Variants in USH2A observed in about 807,000 individuals in gnomAD.
The protein encoded by USH2A is Usher syndrome 2A (autosomal recessive, mild).
Under a neutral mutation model 538.9 loss-of-function variants are expected in USH2A, and 443 were observed. That is an observed-to-expected ratio of 0.82 (90% CI 0.76 to 0.89). The LOEUF is 0.89. USH2A is among the 40% of genes least tolerant of loss of function. The pLI, the probability that USH2A is intolerant of heterozygous loss-of-function variation, is 0.00. For missense variants in USH2A, 6,633 were observed against 6,324.8 expected (o/e 1.05, Z -1.65); for synonymous variants, 2,413 against 2,273.5 (o/e 1.06, Z -1.75).
chr1:215,897,807 A>G (rs1665390471), intron 40 of USH2A, among the ~76,000 whole-genome samples: 1 of 152,156 alleles, frequency 6.6e-6, no homozygotes, highest in Non-Finnish European at 1.5e-5. Context: ...AAACAAAGAA[A>G]GAAGAAAGAA....
At chr1:216,302,083 T>C (rs538970192) in intron 9 of USH2A, among the ~76,000 whole-genome samples, 2 of 152,186 alleles carry the variant, frequency 1.3e-5, no homozygotes, top group Non-Finnish European at 2.9e-5. Flanking sequence ...AGCTCTAATG[T>C]TCCCATGGCA....
chr1:216,131,321 C>T (rs1218930738), intron 21 of USH2A, among the ~76,000 whole-genome samples: 1 of 151,912 alleles, frequency 6.6e-6, no homozygotes, highest in Non-Finnish European at 1.5e-5. Context: ...TGGTTAAGTT[C>T]CATCTATTTA....
Position 215,817,185 on chromosome 1 carries a change from T to C in USH2A, c.9382A>G (p.Ile3128Val). Residue 3128 changes from isoleucine to valine, a missense_variant, in exon 48 of 72, where the codon ATT (isoleucine) becomes GTT (valine). By Grantham distance (29) the Ile-to-Val change is conservative. Transcript: ENST00000307340. ...IRGITSRSLQ[I>V]DWVSPRKPNG... ...GGCTTCCGTGGAGACACCCAATCAA[T>C]TTGAAGAGATCTGCAACAGAGAGAA... 6.2e-7 allele frequency: 1 copy of C among 1,612,052 alleles called. No individual in the cohort carries two copies. The highest frequency in any genetic ancestry group is 8.5e-7 in the Non-Finnish European group (1 of 1,178,560).
intron 9 of USH2A, among the ~76,000 whole-genome samples, chr1:216,318,444 T>A (rs2037546947): frequency 6.6e-6 from 1 of 152,202 alleles, no homozygotes; most frequent in Admixed American, 6.5e-5. Flanking sequence ...ATTAAAATAC[T>A]TTGAATGGTA....
At chr1:216,099,507 T>A (rs1281557983) in intron 21 of USH2A, among the ~76,000 whole-genome samples, 1 of 152,066 alleles carries the variant, frequency 6.6e-6, no homozygotes, top group Non-Finnish European at 1.5e-5. Context: ...AGAGCAGGAA[T>A]AGGATTTTCA....
rs1159530779 is a variant in USH2A at position 215,779,900 on chromosome 1, C to G, written c.10882G>C (p.Val3628Leu). ...TCAGTGTGGATGAGACCTTTCCCAACCTGCCTGATCTGGTACTCTTTAATG... is the reference window on the plus strand; with the variant it reads ...TCAGTGTGGATGAGACCTTTCCCAAGCTGCCTGATCTGGTACTCTTTAATG... ...GVIKEYQIRQ[V>L]GKGLIHTDTT... Residue 3628 changes from valine to leucine, a missense_variant, in exon 55 of 72, where the codon GTT (valine) becomes CTT (leucine). Coordinates refer to ENST00000307340, the MANE Select transcript of USH2A (RefSeq NM_206933.4). The G allele has an allele frequency of 1.2e-6, 2 of 1,614,136 alleles. No individual in the cohort carries two copies. Among genetic ancestry groups the G allele is most frequent in the Non-Finnish European group, 8.5e-7 (1 of 1,180,034 alleles).
chr1:216,213,573 A>T (rs1034599282), intron 15 of USH2A, among the ~76,000 whole-genome samples: 1 of 152,048 alleles, frequency 6.6e-6, no homozygotes, highest in African/African-American at 2.4e-5. Flanking sequence ...AACTCATACC[A>T]TGTACAAAAC....
chr1:215,873,329 C>G (rs1259801712), intron 43 of USH2A, among the ~76,000 whole-genome samples: 2 of 152,152 alleles, frequency 1.3e-5, no homozygotes, highest in African/African-American at 2.4e-5. Context: ...TCTTGGTAGT[C>G]ACGGGAGAAG....
At chr1:215,702,494 A>G (rs1268515462) in intron 61 of USH2A, among the ~76,000 whole-genome samples, 1 of 151,850 alleles carries the variant, frequency 6.6e-6, no homozygotes, top group Non-Finnish European at 1.5e-5. Flanking sequence ...ATAGCCCCAT[A>G]TTTCTTGGAG....
At chr1:216,148,285 C>T (rs1231699892) in intron 21 of USH2A, among the ~76,000 whole-genome samples, 2 of 150,912 alleles carry the variant, frequency 1.3e-5, no homozygotes, top group East Asian at 4.0e-4. Flanking sequence ...TAGTTATCCC[C>T]ACCTGCCCAG....
At chr1:215,670,826 C>A in intron 64 of USH2A, 146 bp downstream of exon 64, 1 of 796,538 alleles carries the variant, frequency 1.3e-6, no homozygotes, top group Non-Finnish European at 2.0e-6. Flanking sequence ...CCTCATTTAC[C>A]ACTTAAAAAT....
chr1:215,967,154 A>G (rs1377378730), intron 36 of USH2A, among the ~76,000 whole-genome samples: 1 of 152,128 alleles, frequency 6.6e-6, no homozygotes, highest in Non-Finnish European at 1.5e-5. Context: ...ACATACAAAC[A>G]CTTTAATACA....
chr1:216,286,720 T>C (rs1254598389), intron 11 of USH2A, among the ~76,000 whole-genome samples: 1 of 151,618 alleles, frequency 6.6e-6, no homozygotes, highest in Non-Finnish European at 1.5e-5. Flanking sequence ...CGAGACTCTG[T>C]CTCTAAATAA....
chr1:216,056,672 T>C (rs994391037), intron 30 of USH2A, among the ~76,000 whole-genome samples: 5 of 152,220 alleles, frequency 3.3e-5, no homozygotes, highest in African/African-American at 1.2e-4. Context: ...CTGACACCTA[T>C]TGCTTACAAA....
At chr1:216,377,361 A>G (rs2038841255) in intron 3 of USH2A, among the ~76,000 whole-genome samples, 1 of 152,184 alleles carries the variant, frequency 6.6e-6, no homozygotes, top group Non-Finnish European at 1.5e-5. Flanking sequence ...GCACCAAAAA[A>G]GAACAGTAGA....
chr1:216,106,569 C>T lies in USH2A; in HGVS notation c.4628-9356G>A, dbSNP rs181526308. 8.4e-4 allele frequency among the ~76,000 whole-genome samples: 127 copies of T among 150,960 alleles called. No homozygotes were observed. The East Asian group carries it at 0.023, about 28-fold the overall frequency. On this transcript the variant is annotated intron_variant, in intron 21 of 71. Transcript: ENST00000307340. ...CTCTTCCTCTCCTTTTCTCTCTCCC[C>T]CCTCCTTCTCTCCCCTTACCACTCT...
At chr1:216,160,618 AT>A (rs1439335000) in intron 21 of USH2A, among the ~76,000 whole-genome samples, 1 of 148,852 alleles carries the variant, frequency 6.7e-6, no homozygotes, top group African/African-American at 2.5e-5. Context: ...AAAAAAAAAA[AT>A]TATGCGATTT....
At chr1:215,912,163 G>A (rs895641018) in intron 38 of USH2A, among the ~76,000 whole-genome samples, 8 of 151,808 alleles carry the variant, frequency 5.3e-5, no homozygotes, top group Admixed American at 3.3e-4. Context: ...CCTTCACTTC[G>A]TTGATTGCAT....
intron 49 of USH2A, among the ~76,000 whole-genome samples, chr1:215,809,908 T>C (rs1166536227): frequency 6.6e-6 from 1 of 152,290 alleles, no homozygotes. Context: ...GCAACAGGAT[T>C]TGGGACCATT....
Sources: allele counts gnomAD v4.1 joint callset (sites outside exome capture counted in the v4.1 genomes callset), GRCh38; gene constraint gnomAD v4.1.1; transcripts MANE v1.5; gene names NCBI Gene and HGNC (gene_info 2026-07-23, HGNC 2026-07-21).